Variants in OPLAH observed in about 807,000 individuals in gnomAD.
OPLAH encodes 5-oxoprolinase.
A neutral mutation model predicts 122.8 loss-of-function variants in OPLAH; 103 were observed. The ratio of observed to expected loss-of-function variants is 0.84; its 90% CI spans 0.71 to 0.99. The LOEUF is 0.99. OPLAH is among the 50% of genes least tolerant of loss of function. The probability of loss-of-function intolerance (pLI) is 0.00; values close to 1 mark genes in which losing one functional copy is unlikely to be tolerated. For synonymous variants in OPLAH, 875 were observed against 796.0 expected, an observed-to-expected ratio of 1.10 and a Z score of -1.67; for missense variants, 1,902 against 1,836.5, an observed-to-expected ratio of 1.04 and a Z score of -0.65.
At position 144,056,935 on chromosome 8, in the gene OPLAH, C is replaced by G. The variant is rs781876106; in HGVS notation, c.1706+13G>C. 2 of 1,563,254 alleles carry G rather than the reference C, an allele frequency of 1.3e-6. No individual in the cohort carries two copies. Among genetic ancestry groups the G allele is most frequent in the Non-Finnish European group, 1.7e-6 (2 of 1,157,758 alleles). Reference sequence around the variant, plus strand: ...AACGTAAGCCCTCTGTCCAGGGCACCCTGGGAGCCCACCTGGGGAAGCCCT... The same window carrying G: ...AACGTAAGCCCTCTGTCCAGGGCACGCTGGGAGCCCACCTGGGGAAGCCCT... On this transcript the variant is annotated intron_variant, in intron 12 of 26. Coordinates refer to ENST00000618853, the MANE Select transcript of OPLAH (RefSeq NM_017570.5).
In OPLAH at chr8:144,053,020, G is replaced by A. The variant is rs549059913; in HGVS notation, c.2981C>T (p.Ser994Phe). ...GATCTGCACACGGAGGCGGATGGGG[G>A]AACCGTCGTCCATGTGGTCTTCCGA... is the stretch of plus-strand genomic sequence containing the variant. Reference protein sequence around the residue: ...VSSEDHMDDGSPIRLRVQISL... With the variant: ...VSSEDHMDDGFPIRLRVQISL... Residue 994 changes from serine (S) to phenylalanine (F), a missense_variant, in exon 21 of 27, where the codon TCC becomes TTC. Transcript: ENST00000618853. 33 of 1,603,554 alleles carry A rather than the reference G, an allele frequency of 2.1e-5. No homozygotes were observed. The East Asian group carries it at 3.6e-4, about 17-fold the overall frequency.
In OPLAH at chr8:144,051,555, G is replaced by C; in HGVS notation, c.3721-83C>G. 4.0e-6 allele frequency: 5 copies of C among 1,249,900 alleles called. No homozygotes were observed. The South Asian group carries it at 4.4e-5, about 11-fold the overall frequency. The allele number at this position is 1,249,900 out of a possible 1,614,324, so 77.4% of individuals were successfully genotyped here. A position where few individuals can be genotyped will look rare whatever the true frequency, so the allele number is the denominator to read the frequency against. On this transcript the variant is annotated intron_variant, in intron 26 of 26. Coordinates refer to ENST00000618853, the MANE Select transcript of OPLAH (RefSeq NM_017570.5). ...TCACCTGCGCAGTCCCCTCCCCACCGGGCAGCGTCCATCACCCGCCCCCAT... is the reference window on the plus strand; with the variant it reads ...TCACCTGCGCAGTCCCCTCCCCACCCGGCAGCGTCCATCACCCGCCCCCAT...
rs1226214906 is a variant in OPLAH at position 144,051,420 on chromosome 8, T to A, written c.3773A>T (p.Asp1258Val). 1 of 1,471,032 alleles carries A rather than the reference T, an allele frequency of 6.8e-7. No homozygotes were observed. The highest frequency in any genetic ancestry group is 1.6e-5 in the African/African-American group (1 of 62,978). The allele number at this position is 1,471,032 out of a possible 1,614,324, so 91.1% of individuals were successfully genotyped here. Reference sequence around the variant, plus strand: ...GGGCGACCCCGGCGGTGGGGCGGGGTCCTCCGGGTCCCCATAGCCACCGCC... The same window carrying A: ...GGGCGACCCCGGCGGTGGGGCGGGGACCTCCGGGTCCCCATAGCCACCGCC... The part of the protein sequence containing the change: ...PGGGGYGDPE[D>V]PAPPPGSPPQ... Residue 1258 changes from aspartate to valine, a missense_variant, in exon 27 of 27, where the codon GAC (aspartate) becomes GTC (valine). Asp to Val is a radical substitution (Grantham distance 152, BLOSUM62 -3). Coordinates refer to ENST00000618853, the MANE Select transcript of OPLAH (RefSeq NM_017570.5).
chr8:144,050,891 C>T (rs1554757507), downstream of OPLAH: 4 of 999,420 alleles, frequency 4.0e-6, no homozygotes, highest in Non-Finnish European at 3.6e-6. Context: ...GCACTGCCCG[C>T]CCGAAGCGCG....
Position 144,057,127 on chromosome 8 carries a change from A to G in OPLAH, c.1536-9T>C. On this transcript the variant is annotated splice_polypyrimidine_tract_variant and intron_variant, in intron 11 of 26. Transcript: ENST00000618853. ...ACAGCAGCCCACTGTGCCTGCAGGGATGGGCAGCATGGCAATGGGAGGTCA... is the reference window on the plus strand; with the variant it reads ...ACAGCAGCCCACTGTGCCTGCAGGGGTGGGCAGCATGGCAATGGGAGGTCA... 6.3e-7 allele frequency: 1 copy of G among 1,594,312 alleles called. No homozygotes were observed. Among genetic ancestry groups the G allele is most frequent in the Non-Finnish European group, 8.5e-7 (1 of 1,171,342 alleles).
At position 144,058,815 on chromosome 8, in the gene OPLAH, C is replaced by T. The variant is rs1172130077; in HGVS notation, c.545G>A (p.Arg182Gln). The change falls in exon 5 of 27, where the codon CGA becomes CAA. Residue 182 changes from arginine (R) to glutamine (Q), a missense_variant. Around this residue, in one of 3 missense-constraint regions of OPLAH, gnomAD observed 1,726 missense variants for 1,642.1 expected, o/e 1.05. Coordinates refer to ENST00000618853, the MANE Select transcript of OPLAH (RefSeq NM_017570.5). ...LRGKLEGLLS[R>Q]GIRSLAVVLM... Reference sequence around the variant, plus strand: ...CACCACAGCCAGGCTGCGGATGCCTCGAGATAGCAGCCCCTCCAGCTTCCC... The same window carrying T: ...CACCACAGCCAGGCTGCGGATGCCTTGAGATAGCAGCCCCTCCAGCTTCCC... 1.3e-5 allele frequency: 21 copies of T among 1,598,802 alleles called. No individual in the cohort carries two copies. Among genetic ancestry groups the T allele is most frequent in the East Asian group, 9.1e-5 (4 of 43,772 alleles).
intron 26 of OPLAH, 108 bp from the exon 27 acceptor site, chr8:144,051,580 T>C: frequency 1.7e-6 from 2 of 1,184,318 alleles, no homozygotes; most frequent in South Asian, 1.5e-5. Flanking sequence ...CCCGCCCCCA[T>C]GGACCACGGA....
rs1222750321 is a variant in OPLAH at position 144,058,704 on chromosome 8, C to T, written c.588-13G>A. ...ATGCTGGGCCCACCTATGACAAAAA[C>T]CCAGTGGCACCTCGTCTCCCACCAG... On this transcript the variant is annotated splice_polypyrimidine_tract_variant and intron_variant, in intron 5 of 26. Transcript: ENST00000618853. 4 of 1,582,014 alleles carry T rather than the reference C, an allele frequency of 2.5e-6. No individual in the cohort carries two copies. The highest frequency in any genetic ancestry group is 3.4e-6 in the Non-Finnish European group (4 of 1,162,782).
At position 144,057,083 on chromosome 8, in the gene OPLAH, A is replaced by G. The variant is rs782469621; in HGVS notation, c.1571T>C (p.Leu524Pro). Residue 524 changes from leucine (L) to proline (P), a missense_variant, in exon 12 of 27, where the codon CTG becomes CCG. By Grantham distance (98) the Leu-to-Pro change is moderately conservative. This residue lies in a region of OPLAH where 1,726 missense variants were observed against 1,642.1 expected (regional missense o/e 1.05). Transcript: ENST00000618853. ...CTGTGCCTCATGCACCACGTCAGCCAGGGCCAGCCCCAGGGCCGACAGCAG... is the reference window on the plus strand; with the variant it reads ...CTGTGCCTCATGCACCACGTCAGCCGGGGCCAGCCCCAGGGCCGACAGCAG... Reference protein sequence around the residue: ...SGLLSALGLALADVVHEAQEP... With the variant: ...SGLLSALGLAPADVVHEAQEP... 1 of 1,602,882 alleles carries G rather than the reference A, an allele frequency of 6.2e-7. No individual in the cohort carries two copies. The highest frequency in any genetic ancestry group is 1.7e-4 in the Middle Eastern group (1 of 6,038).
Position 144,057,697 on chromosome 8 carries a change from C to A in OPLAH, c.1173G>T (p.Val391=). The stretch of plus-strand genomic sequence containing the variant: ...GACCCAGGACCAGATTAGCATCCGT[C>A]ACTGTCACAGGGCCCCCTGGGAGGT... ...ACYRKGGPVT[V]TDANLVLGRL... The change falls in exon 10 of 27, where the codon GTG becomes GTT. Residue 391 remains valine (V), a synonymous_variant. Transcript: ENST00000618853. The A allele has an allele frequency of 6.2e-7, 1 of 1,609,250 alleles. No homozygotes were observed. Among genetic ancestry groups the A allele is most frequent in the South Asian group, 1.1e-5 (1 of 90,870 alleles).
Position 144,055,711 on chromosome 8 carries a change from T to A in OPLAH, c.2248+77A>T. Reference sequence around the variant, plus strand: ...GGGGGTCCTGCTTCTGCCTCTCCCTTTGGGCACAGCCCTGCCAGCTACCCC... The same window carrying A: ...GGGGGTCCTGCTTCTGCCTCTCCCTATGGGCACAGCCCTGCCAGCTACCCC... On this transcript the variant is annotated intron_variant, in intron 16 of 26. Coordinates refer to ENST00000618853, the MANE Select transcript of OPLAH (RefSeq NM_017570.5). This position sits in a 1 kb window ranked among gnomAD's most constrained non-coding sequence, Gnocchi z 6.5. 1.4e-6 allele frequency: 2 copies of A among 1,401,614 alleles called. No homozygotes were observed. Among genetic ancestry groups the A allele is most frequent in the Non-Finnish European group, 9.3e-7 (1 of 1,074,418 alleles). 86.8% of individuals were successfully genotyped at this position (1,401,614 alleles called of 1,614,324 possible).
Position 144,057,507 on chromosome 8 carries a change from T to C in OPLAH, c.1363A>G (p.Met455Val), listed in dbSNP as rs782121351. The change falls in exon 10 of 27, where the codon ATG (methionine) becomes GTG (valine). Residue 455 changes from methionine (M) to valine (V), a missense_variant. Physicochemically the swap from Met to Val is conservative, Grantham distance 21. Transcript: ENST00000618853. ...TCGTTGGCCACGCGCACGAACCCCA[T>C]GGCCACCTCCTCCAGGCTCAGCGGG... ...ASPLSLEEVAMGFVRVANEAM... is the reference protein window; with the variant it reads ...ASPLSLEEVAVGFVRVANEAM... 108 of 1,599,920 alleles carry C rather than the reference T, an allele frequency of 6.8e-5. No individual in the cohort carries two copies. Among genetic ancestry groups the C allele is most frequent in the Non-Finnish European group, 8.5e-5 (100 of 1,173,984 alleles).
At chr8:144,052,718 G>C in intron 22 of OPLAH, 48 bp downstream of exon 22, 3 of 1,550,988 alleles carry the variant, frequency 1.9e-6, no homozygotes, top group Non-Finnish European at 1.7e-6. Flanking sequence ...GGCGCACTCA[G>C]GGTGACCTCG....
In OPLAH at chr8:144,052,765, C is replaced by T. The variant is rs1264450716; in HGVS notation, c.3153+1G>A. 2 of 1,566,106 alleles carry T rather than the reference C, an allele frequency of 1.3e-6. No homozygotes were observed. Among genetic ancestry groups the T allele is most frequent in the Non-Finnish European group, 1.7e-6 (2 of 1,156,702 alleles). On this transcript the variant is annotated splice_donor_variant, in intron 22 of 26. Transcript: ENST00000618853. LOFTEE classifies it high-confidence loss of function. ...CCCCTCGCGCACACACCCCTGCGAA[C>T]CTGGTTGAGTGGGATGTCGCGGCCC...
intron 12 of OPLAH, 67 bp from the exon 13 acceptor site, chr8:144,056,822 G>C: frequency 7.1e-7 from 1 of 1,413,970 alleles, no homozygotes; most frequent in Non-Finnish European, 9.4e-7. Flanking sequence ...CCCAGCGCCC[G>C]GCAAGGACAC....
At chr8:144,057,963 G>C in intron 8 of OPLAH, 40 bp from the exon 9 acceptor site, 1 of 1,612,046 alleles carries the variant, frequency 6.2e-7, no homozygotes, top group Non-Finnish European at 8.5e-7. Flanking sequence ...TGGACACGAG[G>C]AGGGAGACAG....
At chr8:144,053,442 C>T in intron 19 of OPLAH, 49 bp from the exon 20 acceptor site, 2 of 1,533,882 alleles carry the variant, frequency 1.3e-6, no homozygotes, top group East Asian at 2.3e-5. Context: ...CTGTCTGCAC[C>T]CCCAACCCAG....
chr8:144,050,857 C>G, downstream of OPLAH: 3 of 991,700 alleles, frequency 3.0e-6, no homozygotes, highest in Non-Finnish European at 3.6e-6. Flanking sequence ...GATGCCGAGG[C>G]GGTGAGTTGC....
At position 144,059,783 on chromosome 8, in the gene OPLAH, C is replaced by G. The variant is rs1554760446; in HGVS notation, c.179G>C (p.Gly60Ala). The change falls in exon 3 of 27, where the codon GGC becomes GCC. Residue 60 changes from glycine to alanine, a missense_variant. By Grantham distance (60) the Gly-to-Ala change is moderately conservative. This residue lies in a region of OPLAH where 168 missense variants were observed against 170.6 expected (regional missense o/e 0.98). Coordinates refer to ENST00000618853, the MANE Select transcript of OPLAH (RefSeq NM_017570.5). ...GIRRILEQEA[G>A]MLLPRDQPLD... ...CGGCTGGTCCCGGGGCAGGAGCATG[C>G]CGGCCTCCTGGGGACCACGTGGTCA... is the stretch of plus-strand genomic sequence containing the variant. 4 of 1,607,596 alleles carry G rather than the reference C, an allele frequency of 2.5e-6. No individual in the cohort carries two copies. The highest frequency in any genetic ancestry group is 3.4e-6 in the Non-Finnish European group (4 of 1,178,414).
Sources: allele counts gnomAD v4.1 joint callset, GRCh38; gene constraint gnomAD v4.1.1; regional missense constraint gnomAD v4.1.1; non-coding constraint Gnocchi (gnomAD v3.1); transcripts MANE v1.5; gene names NCBI Gene and HGNC (gene_info 2026-07-23, HGNC 2026-07-21).